Variants in PPP3CA observed in about 807,000 individuals in gnomAD.
The protein encoded by PPP3CA is CAM-PRP catalytic subunit.
PPP3CA carries 14 observed loss-of-function variants against 66.5 expected under a neutral mutation model. That is an observed-to-expected ratio of 0.21 (90% CI 0.14 to 0.33). The LOEUF is 0.33. Among genes scored for constraint, PPP3CA ranks in the 10% least tolerant of loss-of-function variants. PPP3CA has a pLI of 1.00. For synonymous variants in PPP3CA, 232 were observed against 226.2 expected (o/e 1.03, Z -0.23); for missense variants, 317 against 639.5 (o/e 0.50, Z 5.44).
Position 101,205,125 on chromosome 4 carries a change from A to G in PPP3CA, c.59-9009T>C, listed in dbSNP as rs1725091166. ...TTTATACATTTATTTTTTGGCCTTGAACATTTACTCTCTTCTCCAGAGAAA... is the reference window on the plus strand; with the variant it reads ...TTTATACATTTATTTTTTGGCCTTGGACATTTACTCTCTTCTCCAGAGAAA... On this transcript the variant is annotated intron_variant, in intron 1 of 13. Transcript: ENST00000394854. 1.3e-5 allele frequency among the ~76,000 whole-genome samples: 2 copies of G among 151,920 alleles called. 1 individual carries two copies. Among genetic ancestry groups the G allele is most frequent in the South Asian group, 4.2e-4 (2 of 4,816 alleles).
intron 1 of PPP3CA, among the ~76,000 whole-genome samples, chr4:101,320,797 C>T (rs1729019473): frequency 6.6e-6 from 1 of 152,070 alleles, no homozygotes; most frequent in South Asian, 2.1e-4. Context: ...ATGATCCGTT[C>T]AGAATCTTCG....
At chr4:101,233,411 G>A (rs1011091127) in intron 1 of PPP3CA, among the ~76,000 whole-genome samples, 8 of 151,764 alleles carry the variant, frequency 5.3e-5, no homozygotes, top group Non-Finnish European at 1.0e-4. Flanking sequence ...TTACACAACA[G>A]TGAAACTAAG....
At chr4:101,193,209 T>C (rs1450990582) in intron 2 of PPP3CA, among the ~76,000 whole-genome samples, 3 of 152,220 alleles carry the variant, frequency 2.0e-5, no homozygotes, top group Admixed American at 2.0e-4. Flanking sequence ...GTATGTGATA[T>C]ATACCACCTG....
At chr4:101,045,280 T>C (rs978992779) in intron 10 of PPP3CA, among the ~76,000 whole-genome samples, 9 of 152,222 alleles carry the variant, frequency 5.9e-5, no homozygotes, top group African/African-American at 2.2e-4. Context: ...ATATTGAAAG[T>C]AGCAGTGGTA....
chr4:101,123,927 T>C (rs956989056), intron 2 of PPP3CA, among the ~76,000 whole-genome samples: 10 of 152,198 alleles, frequency 6.6e-5, no homozygotes, highest in African/African-American at 1.9e-4. Context: ...TTGTACAGAA[T>C]AGTACTCTCA....
At chr4:101,207,929 T>C (rs1482258760) in intron 1 of PPP3CA, among the ~76,000 whole-genome samples, 1 of 152,148 alleles carries the variant, frequency 6.6e-6, no homozygotes, top group Admixed American at 6.5e-5. Flanking sequence ...CCATGATATA[T>C]GACTTTGGTT....
At chr4:101,158,278 G>C (rs138491701) in intron 2 of PPP3CA, 3 of 152,166 alleles carry the variant, frequency 2.0e-5, no homozygotes, top group African/African-American at 7.2e-5. Flanking sequence ...TATTCCCCAC[G>C]GGAAGCAGCA....
chr4:101,036,072 G>T (rs1362449388), intron 11 of PPP3CA, among the ~76,000 whole-genome samples: 1 of 152,090 alleles, frequency 6.6e-6, no homozygotes, highest in Non-Finnish European at 1.5e-5. Flanking sequence ...ATACACATGG[G>T]ATTTCAAAGA....
At chr4:101,118,159 T>G (rs973937551) in intron 2 of PPP3CA, among the ~76,000 whole-genome samples, 2 of 152,010 alleles carry the variant, frequency 1.3e-5, no homozygotes, top group African/African-American at 4.8e-5. Flanking sequence ...TGTGTCTCAC[T>G]CAGTATTCTT....
intron 1 of PPP3CA, among the ~76,000 whole-genome samples, chr4:101,318,601 T>C (rs1021433777): frequency 7.2e-5 from 11 of 152,130 alleles, no homozygotes; most frequent in African/African-American, 2.7e-4. Context: ...TGTTTGTATA[T>C]CCAGTATATA....
chr4:101,180,773 CCT>C (rs1171727691), intron 2 of PPP3CA, among the ~76,000 whole-genome samples: 1 of 152,040 alleles, frequency 6.6e-6, no homozygotes, highest in African/African-American at 2.4e-5. Flanking sequence ...GTGGCTCACA[CCT>C]GTAATCCCAG....
At chr4:101,094,495 T>A (rs1214628505) in intron 5 of PPP3CA, among the ~76,000 whole-genome samples, 2 of 152,222 alleles carry the variant, frequency 1.3e-5, no homozygotes, top group Non-Finnish European at 2.9e-5. Flanking sequence ...ATATTTTGGA[T>A]ACTATTTCAT....
intron 2 of PPP3CA, among the ~76,000 whole-genome samples, chr4:101,162,255 A>C (rs574432307): frequency 6.6e-6 from 1 of 151,340 alleles, no homozygotes; most frequent in South Asian, 2.1e-4. Flanking sequence ...AAAAAAGGCC[A>C]GGAATGGTGG....
At chr4:101,335,786 G>T (rs557029285) in intron 1 of PPP3CA, among the ~76,000 whole-genome samples, 1 of 152,142 alleles carries the variant, frequency 6.6e-6, no homozygotes, top group Admixed American at 6.5e-5. Context: ...CCAAGGAAGA[G>T]AGCACAAGAT....
rs1355229698 is a variant in PPP3CA at position 101,101,083 on chromosome 4, T to C, written c.385-1361A>G. ...GATTGAAATAAACAATAGGTTGACA[T>C]TAAATTATATATGTTACTTTAAGTT... On this transcript the variant is annotated intron_variant, in intron 3 of 13. Transcript: ENST00000394854. 2.0e-5 allele frequency among the ~76,000 whole-genome samples: 3 copies of C among 152,150 alleles called. No individual in the cohort carries two copies. In the East Asian group the frequency reaches 5.8e-4, roughly 29 times the overall value.
intron 10 of PPP3CA, among the ~76,000 whole-genome samples, chr4:101,040,827 G>T (rs1479041041): frequency 6.6e-6 from 1 of 152,084 alleles, no homozygotes; most frequent in African/African-American, 2.4e-5. Flanking sequence ...GAAGCTAACT[G>T]GAAAATCACT....
At chr4:101,227,569 T>TA (rs1179181143) in intron 1 of PPP3CA, among the ~76,000 whole-genome samples, 3 of 151,748 alleles carry the variant, frequency 2.0e-5, no homozygotes, top group Non-Finnish European at 4.4e-5. Context: ...TTTCTTTTTT[T>TA]AAAAAACTTT....
chr4:101,267,691 C>T (rs1344889605), intron 1 of PPP3CA, among the ~76,000 whole-genome samples: 1 of 152,030 alleles, frequency 6.6e-6, no homozygotes, highest in East Asian at 1.9e-4. Flanking sequence ...CATACGCTAT[C>T]TCTGGAAAAT....
intron 1 of PPP3CA, among the ~76,000 whole-genome samples, chr4:101,223,819 ATCTC>A (rs1725699326): frequency 6.6e-6 from 1 of 151,878 alleles, no homozygotes; most frequent in Non-Finnish European, 1.5e-5. Flanking sequence ...ATCTAAAATA[ATCTC>A]TCATTCAACA....
Sources: allele counts gnomAD v4.1 joint callset (sites outside exome capture counted in the v4.1 genomes callset), GRCh38; gene constraint gnomAD v4.1.1; transcripts MANE v1.5; gene names NCBI Gene and HGNC (gene_info 2026-07-23, HGNC 2026-07-21).